CTNNA3: variants seen among roughly 807,000 people sequenced by gnomAD.
CTNNA3 encodes catenin alpha-3.
CTNNA3 carries 76 observed loss-of-function variants against 95.7 expected under a neutral mutation model. That is an observed-to-expected ratio of 0.79 (90% confidence interval 0.66 to 0.96). The LOEUF (loss-of-function observed/expected upper bound fraction) is 0.96. Ranked by LOEUF, CTNNA3 falls within the 40% of genes least tolerant of loss-of-function variation. The pLI, the probability that CTNNA3 is intolerant of heterozygous loss-of-function variation, is 0.00. For synonymous variants in CTNNA3, 431 were observed against 374.4 expected (o/e 1.15, Z -1.74); for missense variants, 1,191 against 1,089.8 (o/e 1.09, Z -1.31).
At chr10:67,116,311 G>A (rs1859187716) in intron 7 of CTNNA3, among the ~76,000 whole-genome samples, 1 of 152,000 alleles carries the variant, frequency 6.6e-6, no homozygotes, top group Non-Finnish European at 1.5e-5. Context: ...CATTTGATTT[G>A]AGTGGTGACC....
intron 7 of CTNNA3, among the ~76,000 whole-genome samples, chr10:66,830,612 T>TG (rs977055450): frequency 4.0e-5 from 6 of 151,798 alleles, no homozygotes; most frequent in African/African-American, 1.5e-4. Context: ...TCTTTTTTTT[T>TG]TTGTTTTTCC....
chr10:66,916,355 A>G (rs1232970919), intron 7 of CTNNA3, among the ~76,000 whole-genome samples: 1 of 152,254 alleles, frequency 6.6e-6, no homozygotes, highest in Non-Finnish European at 1.5e-5. Flanking sequence ...AAATTAAAAT[A>G]TCAACAAAAT....
intron 13 of CTNNA3, among the ~76,000 whole-genome samples, chr10:66,227,552 T>A (rs1385551683): frequency 6.6e-6 from 1 of 152,180 alleles, no homozygotes; most frequent in Non-Finnish European, 1.5e-5. Context: ...ATCCTTCTGA[T>A]ATGCTGTTGG....
chr10:67,647,405 G>T lies in CTNNA3; in HGVS notation c.99+10C>A. 1 of 1,585,582 alleles carries T rather than the reference G, an allele frequency of 6.3e-7. No homozygotes were observed. The highest frequency in any genetic ancestry group is 1.1e-5 in the South Asian group (1 of 89,594). On this transcript the variant is annotated intron_variant, in intron 2 of 17. Coordinates refer to ENST00000433211, the MANE Select transcript of CTNNA3 (RefSeq NM_013266.4). ...GTTACTATATATCATAATTTCCATG[G>T]TATTAATACCTGGATTATGAGAGGC...
At chr10:66,801,227 A>T (rs1030250835) in intron 7 of CTNNA3, among the ~76,000 whole-genome samples, 1 of 151,414 alleles carries the variant, frequency 6.6e-6, no homozygotes, top group Non-Finnish European at 1.5e-5. Flanking sequence ...CAGACAACAA[A>T]ATAAAATCAC....
At chr10:67,232,091 G>T (rs1865238953) in intron 5 of CTNNA3, among the ~76,000 whole-genome samples, 1 of 152,138 alleles carries the variant, frequency 6.6e-6, no homozygotes, top group South Asian at 2.1e-4. Flanking sequence ...CACTCTGCAG[G>T]ATATTATCCA....
intron 11 of CTNNA3, among the ~76,000 whole-genome samples, chr10:66,497,005 A>G (rs1469764001): frequency 6.6e-6 from 1 of 152,088 alleles, no homozygotes; most frequent in Non-Finnish European, 1.5e-5. Flanking sequence ...ACATGTCTGT[A>G]TCCTAATTCC....
intron 2 of CTNNA3, among the ~76,000 whole-genome samples, chr10:67,619,952 G>A (rs1843774556): frequency 6.6e-6 from 1 of 151,842 alleles, no homozygotes; most frequent in Non-Finnish European, 1.5e-5. Context: ...AATCAGTCTT[G>A]ATTCCCATGA....
At chr10:67,141,549 C>G (rs927574857) in intron 7 of CTNNA3, among the ~76,000 whole-genome samples, 2 of 152,134 alleles carry the variant, frequency 1.3e-5, no homozygotes, top group African/African-American at 4.8e-5. Context: ...AGTTCAGCCT[C>G]TGAAAATGTA....
intron 5 of CTNNA3, among the ~76,000 whole-genome samples, chr10:67,287,050 C>T (rs1839634186): frequency 6.6e-6 from 1 of 152,038 alleles, no homozygotes; most frequent in African/African-American, 2.4e-5. Context: ...CATGAAAAAA[C>T]ATGCTGGGCC....
chr10:67,110,255 G>A (rs908935382), intron 7 of CTNNA3, among the ~76,000 whole-genome samples: 1 of 151,982 alleles, frequency 6.6e-6, no homozygotes, highest in Non-Finnish European at 1.5e-5. Flanking sequence ...ATTTGTTAGT[G>A]ACTATAAATT....
At chr10:66,598,866 G>T (rs555308943) in intron 10 of CTNNA3, among the ~76,000 whole-genome samples, 1 of 151,886 alleles carries the variant, frequency 6.6e-6, no homozygotes, top group African/African-American at 2.4e-5. Context: ...CAGAATCCCA[G>T]TGGCATTTTT....
chr10:66,141,859 C>G (rs1023004341), intron 13 of CTNNA3, among the ~76,000 whole-genome samples: 1 of 152,148 alleles, frequency 6.6e-6, no homozygotes. Context: ...AATGTGTATT[C>G]TGAGGCAGAT....
intron 9 of CTNNA3, among the ~76,000 whole-genome samples, chr10:66,744,864 T>C (rs1033285800): frequency 3.9e-5 from 6 of 152,186 alleles, no homozygotes; most frequent in Non-Finnish European, 8.8e-5. Flanking sequence ...CTAGGGTTTT[T>C]ATGTTGAGGA....
chr10:66,725,620 T>C (rs1055639978), intron 9 of CTNNA3, among the ~76,000 whole-genome samples: 2 of 152,118 alleles, frequency 1.3e-5, no homozygotes, highest in East Asian at 1.9e-4. Context: ...ATTGCCCAGT[T>C]ACTCCACCTT....
chr10:66,435,609 T>C (rs1427521250), intron 11 of CTNNA3, among the ~76,000 whole-genome samples: 2 of 152,190 alleles, frequency 1.3e-5, no homozygotes, highest in Non-Finnish European at 2.9e-5. Flanking sequence ...ATCTGTTTTG[T>C]TGATGTTTTC....
At chr10:67,659,681 A>T (rs573330408) in intron 1 of CTNNA3, among the ~76,000 whole-genome samples, 1 of 152,354 alleles carries the variant, frequency 6.6e-6, no homozygotes, top group South Asian at 2.1e-4. Context: ...CAAGGCATCA[A>T]CTTTAAGCAA....
intron 2 of CTNNA3, among the ~76,000 whole-genome samples, chr10:67,612,799 T>A (rs949241685): frequency 6.6e-6 from 1 of 152,090 alleles, no homozygotes; most frequent in African/African-American, 2.4e-5. Context: ...CATCTTCCTC[T>A]CCAAGTCCTT....
At chr10:67,402,543 A>G (rs1844963115) in intron 5 of CTNNA3, among the ~76,000 whole-genome samples, 1 of 152,172 alleles carries the variant, frequency 6.6e-6, no homozygotes, top group Non-Finnish European at 1.5e-5. Flanking sequence ...TCGCACTGGG[A>G]CTGATCAGGG....
Sources: gnomAD v4.1 joint callset for allele counts (sites outside exome capture counted in the v4.1 genomes callset) on GRCh38, gnomAD v4.1.1 for gene constraint, MANE v1.5 for transcripts, NCBI Gene and HGNC (gene_info 2026-07-23, HGNC 2026-07-21) for gene names.